The following DIS3L variants were observed in gnomAD, a reference collection of about 807,000 sequenced individuals.
DIS3L encodes the protein DIS3-like exonuclease 1.
DIS3L carries 100 observed loss-of-function variants against 120.3 expected under a neutral mutation model. That is an observed-to-expected ratio of 0.83 (90% CI 0.71 to 0.98). DIS3L has a LOEUF of 0.98. DIS3L is among the 50% of genes least tolerant of loss of function. The probability of loss-of-function intolerance (pLI) is 0.00; values close to 1 mark genes in which losing one functional copy is unlikely to be tolerated. For missense variants in DIS3L, 1,196 were observed against 1,314.2 expected, an observed-to-expected ratio of 0.91 and a Z score of 1.39; for synonymous variants, 426 against 470.6, an observed-to-expected ratio of 0.91 and a Z score of 1.23.
At chr15:66,315,931 T>C (rs2092812428) in intron 7 of DIS3L, among the ~76,000 whole-genome samples, 1 of 152,262 alleles carries the variant, frequency 6.6e-6, no homozygotes, top group South Asian at 2.1e-4. Context: ...TCCCTGGGTC[T>C]CCTCCCAGTT....
chr15:66,299,275 G>A (rs528680695), intron 2 of DIS3L, among the ~76,000 whole-genome samples: 28 of 152,270 alleles, frequency 1.8e-4, no homozygotes, highest in East Asian at 3.9e-4. Flanking sequence ...ACTCAGCGGT[G>A]GTTCACACTT....
At chr15:66,295,842 T>A (rs1566931975) in intron 2 of DIS3L, among the ~76,000 whole-genome samples, 1 of 152,254 alleles carries the variant, frequency 6.6e-6, no homozygotes, top group Non-Finnish European at 1.5e-5. Flanking sequence ...GAATTATACG[T>A]CCAACCTTTT....
In DIS3L at chr15:66,295,016, T is replaced by G. The variant is rs1208223741; in HGVS notation, c.168T>G (p.Thr56=). 9 of 1,613,822 alleles carry G rather than the reference T, an allele frequency of 5.6e-6. No individual in the cohort carries two copies. The African/African-American group carries it at 1.1e-4, about 19-fold the overall frequency. ...HDGKLLSSDV[T]HYVIPDWKVV... Reference sequence around the variant, plus strand: ...GGAAACTCTTGTCTAGTGATGTGACTCATTACGTGATCCCAGACTGGAAAG... The same window carrying G: ...GGAAACTCTTGTCTAGTGATGTGACGCATTACGTGATCCCAGACTGGAAAG... The change falls in exon 2 of 17, where the codon ACT becomes ACG. Residue 56 remains threonine, a synonymous_variant. Coordinates refer to ENST00000319212, the MANE Select transcript of DIS3L (RefSeq NM_001143688.3).
chr15:66,319,730 C>A (rs1176300831), intron 8 of DIS3L, among the ~76,000 whole-genome samples: 1 of 152,114 alleles, frequency 6.6e-6, no homozygotes, highest in Non-Finnish European at 1.5e-5. Flanking sequence ...GCACCTAATA[C>A]ATTTTCCATT....
chr15:66,331,883 G>A lies in DIS3L; in HGVS notation c.2544G>A (p.Gln848=), dbSNP rs2093001378. 1.3e-6 allele frequency: 2 copies of A among 1,599,838 alleles called. No individual in the cohort carries two copies. The highest frequency in any genetic ancestry group is 2.7e-5 in the African/African-American group (2 of 74,642). ...RHINNRNQAA[Q]HSQKQSTELF... ...AGTTGTGCTTCTTACAGGCAGCACA[G>A]CATTCTCAGAAGCAGTCTACTGAGC... The change falls in exon 15 of 17, where the codon CAG becomes CAA. Residue 848 remains glutamine, a synonymous_variant. Transcript: ENST00000319212.
At chr15:66,322,118 CAATAA>C (rs2092890814) in intron 9 of DIS3L, among the ~76,000 whole-genome samples, 2 of 152,106 alleles carry the variant, frequency 1.3e-5, no homozygotes, top group African/African-American at 2.4e-5. Flanking sequence ...GAAAATGTTA[CAATAA>C]AATAAAGTGT....
intron 8 of DIS3L, among the ~76,000 whole-genome samples, chr15:66,320,247 T>C (rs2092866781): frequency 6.6e-6 from 1 of 152,166 alleles, no homozygotes; most frequent in Non-Finnish European, 1.5e-5. Context: ...TTTCCCCTAG[T>C]GTTGCAAGCG....
intron 8 of DIS3L, among the ~76,000 whole-genome samples, chr15:66,319,256 A>G (rs2092854589): frequency 6.6e-6 from 1 of 152,158 alleles, no homozygotes; most frequent in Non-Finnish European, 1.5e-5. Context: ...CTGTTTTTTA[A>G]AAATTCTAAA....
chr15:66,328,157 T>C (rs948043312), intron 12 of DIS3L, among the ~76,000 whole-genome samples: 2 of 152,150 alleles, frequency 1.3e-5, no homozygotes, highest in African/African-American at 4.8e-5. Flanking sequence ...GTCAATTAAG[T>C]CTGAAGAGAT....
Position 66,293,651 on chromosome 15 carries a change from C to A in DIS3L, c.55C>A (p.Leu19Met). 7.0e-7 allele frequency: 1 copy of A among 1,438,062 alleles called. No individual in the cohort carries two copies. Among genetic ancestry groups the A allele is most frequent in the Non-Finnish European group, 9.1e-7 (1 of 1,096,348 alleles). The allele number at this position is 1,438,062 out of a possible 1,614,324, so 89.1% of individuals were successfully genotyped here. A position where few individuals can be genotyped will look rare whatever the true frequency, so the allele number is the denominator to read the frequency against. ...GCTGAGGACCTTCCAGGGCCGCACG[C>A]TGCGGATCGTGCGCGAGCACTACCT... ...LLLRTFQGRT[L>M]RIVREHYLRP... The change falls in exon 1 of 17, where the codon CTG becomes ATG. Residue 19 changes from leucine to methionine, a missense_variant. By Grantham distance (15) the Leu-to-Met change is conservative. Coordinates refer to ENST00000319212, the MANE Select transcript of DIS3L (RefSeq NM_001143688.3).
At chr15:66,316,742 G>A (rs1018263016) in intron 7 of DIS3L, among the ~76,000 whole-genome samples, 15 of 152,300 alleles carry the variant, frequency 9.8e-5, no homozygotes, top group African/African-American at 3.6e-4. Context: ...TTGAACCTAG[G>A]AGGCGGAGGT....
chr15:66,322,580 A>G, intron 9 of DIS3L, 107 bp from the exon 10 acceptor site: 3 of 1,508,956 alleles, frequency 2.0e-6, no homozygotes, highest in Non-Finnish European at 2.7e-6. Flanking sequence ...GAAGAAGGTA[A>G]TTGAGAATGA....
intron 7 of DIS3L, among the ~76,000 whole-genome samples, chr15:66,317,399 C>G (rs1488849211): frequency 6.7e-6 from 1 of 149,942 alleles, no homozygotes; most frequent in Non-Finnish European, 1.5e-5. Context: ...AAAGTTTGGT[C>G]TCGGCTTCAG....
chr15:66,323,085 C>G, intron 10 of DIS3L, 151 bp downstream of exon 10: 2 of 920,008 alleles, frequency 2.2e-6, no homozygotes, highest in South Asian at 3.6e-5. Context: ...CTCCATTTTC[C>G]TTTAGAAAAA....
At position 66,329,229 on chromosome 15, in the gene DIS3L, TTAGA is replaced by T; in HGVS notation, c.2368_2371del (p.Asp790AsnfsTer9). On this transcript the variant is annotated frameshift_variant, in exon 14 of 17. Coordinates refer to ENST00000319212, the MANE Select transcript of DIS3L (RefSeq NM_001143688.3). LOFTEE classifies it high-confidence loss of function. ...TTGCTTTCTTTTTGAAGGTCTTGCA[TTAGA>T]TAAATATACCCACTTTACTTCTCCA... 6.3e-7 allele frequency: 1 copy of T among 1,598,914 alleles called. No homozygotes were observed. The highest frequency in any genetic ancestry group is 8.5e-7 in the Non-Finnish European group (1 of 1,173,558).
chr15:66,315,860 G>A (rs1050494412), intron 7 of DIS3L, among the ~76,000 whole-genome samples: 2 of 152,128 alleles, frequency 1.3e-5, no homozygotes, highest in Non-Finnish European at 2.9e-5. Flanking sequence ...CATTGCCTGA[G>A]CACTGGTCAG....
rs556697738 is a variant in DIS3L, at chr15:66,321,798, T to C, written c.1327-889T>C. On this transcript the variant is annotated intron_variant, in intron 9 of 16. Transcript: ENST00000319212. ...AAAAAAAATGTTACTTTGAACATTT[T>C]TATAAACACCGCTTTTTAATTTCTT... is the stretch of plus-strand genomic sequence containing the variant. Among the ~76,000 whole-genome samples the C allele has an allele frequency of 2.6e-5, 4 of 152,136 alleles. No individual in the cohort carries two copies. The East Asian group carries it at 7.7e-4, about 29-fold the overall frequency.
At chr15:66,317,901 A>C (rs1482612744) in intron 7 of DIS3L, among the ~76,000 whole-genome samples, 1 of 151,756 alleles carries the variant, frequency 6.6e-6, no homozygotes, top group Non-Finnish European at 1.5e-5. Context: ...ATCCATCTTT[A>C]AAATAAAATA....
chr15:66,320,516 T>G, intron 8 of DIS3L, 55 bp from the exon 9 acceptor site: 1 of 1,547,310 alleles, frequency 6.5e-7, no homozygotes, highest in Non-Finnish European at 8.7e-7. Flanking sequence ...ATGCCTCTAA[T>G]TGACCCACTT....
Sources: gnomAD v4.1 joint callset for allele counts (sites outside exome capture counted in the v4.1 genomes callset) on GRCh38, gnomAD v4.1.1 for gene constraint, MANE v1.5 for transcripts, NCBI Gene and HGNC (gene_info 2026-07-23, HGNC 2026-07-21) for gene names.